RHOBTB1: variants seen among roughly 807,000 people sequenced by gnomAD.
The protein encoded by RHOBTB1 is Rho related BTB domain containing 1.
Under a neutral mutation model 71.6 loss-of-function variants are expected in RHOBTB1, and 40 were observed. The ratio of observed to expected loss-of-function variants is 0.56; its 90% CI spans 0.43 to 0.73. The LOEUF (loss-of-function observed/expected upper bound fraction) is 0.73. Among genes scored for constraint, RHOBTB1 ranks in the 30% least tolerant of loss-of-function variants. The probability of loss-of-function intolerance (pLI) is 0.00; values close to 1 mark genes in which losing one functional copy is unlikely to be tolerated. For missense variants in RHOBTB1, 797 were observed against 894.0 expected, an observed-to-expected ratio of 0.89 and a Z score of 1.38; for synonymous variants, 319 against 334.9, an observed-to-expected ratio of 0.95 and a Z score of 0.52.
intron 2 of RHOBTB1, among the ~76,000 whole-genome samples, chr10:60,962,283 C>T (rs984931496): frequency 1.3e-5 from 2 of 152,064 alleles, no homozygotes; most frequent in African/African-American, 4.8e-5. Flanking sequence ...TTGTCTGTGA[C>T]CACCAATATA....
rs1687815195 is a variant in RHOBTB1, at chr10:60,934,305, A to G, written c.-11+7499T>C. Among the ~76,000 whole-genome samples, 3 of 152,176 alleles carry G rather than the reference A, an allele frequency of 2.0e-5. 1 individual carries two copies. In the South Asian group the frequency reaches 6.2e-4, roughly 32 times the overall value. ...TCAGTCCTGAGCAGACGTCCCACTC[A>G]TCAATATATCATCTTGGAGTTCCTG... On this transcript the variant is annotated intron_variant, in intron 2 of 10. Coordinates refer to ENST00000337910, the MANE Select transcript of RHOBTB1 (RefSeq NM_014836.5).
intron 1 of RHOBTB1, among the ~76,000 whole-genome samples, chr10:60,998,513 A>C (rs2087138591): frequency 6.6e-6 from 1 of 152,182 alleles, no homozygotes; most frequent in Non-Finnish European, 1.5e-5. Context: ...TCCGTGAGGG[A>C]TAACTGAGGG....
downstream of RHOBTB1, among the ~76,000 whole-genome samples, chr10:60,867,050 A>G (rs2080638113): frequency 6.6e-6 from 1 of 152,148 alleles, no homozygotes; most frequent in South Asian, 2.1e-4. Flanking sequence ...AGCACTTATT[A>G]TGTCCAAGGT....
rs544603284 is a variant in RHOBTB1 at position 60,871,965 on chromosome 10, C to T, written c.1921+220G>A. ...ACTCTCTGCAACAGGGCACCCTGGA[C>T]TCTAGCCCACCCAACTCCCCTCATC... On this transcript the variant is annotated intron_variant, in intron 10 of 10. Coordinates refer to ENST00000337910, the MANE Select transcript of RHOBTB1 (RefSeq NM_014836.5). The T allele has an allele frequency of 8.3e-5, 52 of 623,410 alleles. No individual in the cohort carries two copies. In the East Asian group the frequency reaches 1.3e-3, roughly 15 times the overall value. The allele number at this position is 623,410 out of a possible 1,614,324, so 38.6% of individuals were successfully genotyped here.
chr10:60,872,904 T>G (rs1362550579), intron 9 of RHOBTB1, among the ~76,000 whole-genome samples: 5 of 152,108 alleles, frequency 3.3e-5, no homozygotes, highest in Non-Finnish European at 7.4e-5. Flanking sequence ...AAAAATCAAC[T>G]ATCTACTCCC....
chr10:60,969,969 C>T (rs779026713), intron 2 of RHOBTB1, among the ~76,000 whole-genome samples: 3 of 152,024 alleles, frequency 2.0e-5, no homozygotes, highest in Non-Finnish European at 4.4e-5. Context: ...CTGATGTCAG[C>T]AAGGAGAGAA....
chr10:60,871,786 C>T, intron 10 of RHOBTB1, 135 bp from the exon 11 acceptor site: 1 of 749,686 alleles, frequency 1.3e-6, no homozygotes, highest in Non-Finnish European at 2.2e-6. Context: ...GGGCCATTTG[C>T]AAAAGGTGAC....
chr10:60,890,698 G>C (rs1371931513), intron 5 of RHOBTB1, among the ~76,000 whole-genome samples: 1 of 152,156 alleles, frequency 6.6e-6, no homozygotes, highest in Non-Finnish European at 1.5e-5. Context: ...ACTGGTCTTA[G>C]GAGGAAAAAG....
intron 2 of RHOBTB1, among the ~76,000 whole-genome samples, chr10:60,977,178 G>T (rs968096568): frequency 6.6e-6 from 1 of 152,012 alleles, no homozygotes; most frequent in East Asian, 1.9e-4. Context: ...GTAGTAGATT[G>T]ATATTAGAAG....
rs543359161 is a variant in RHOBTB1 at position 60,993,564 on chromosome 10, G to A, written c.-162-7619C>T. Among the ~76,000 whole-genome samples the A allele has an allele frequency of 7.9e-5, 12 of 152,174 alleles. No homozygotes were observed. The South Asian group carries it at 2.5e-3, about 32-fold the overall frequency. ...TTTGTTACTATCTTCTAGCAAGAGT[G>A]TTGAATTTCATGGCATAAATTTTCA... On this transcript the variant is annotated intron_variant, in intron 1 of 11. Coordinates refer to the RHOBTB1 transcript ENST00000357917.
At chr10:60,991,962 G>A (rs1200893948) in intron 1 of RHOBTB1, among the ~76,000 whole-genome samples, 1 of 152,146 alleles carries the variant, frequency 6.6e-6, no homozygotes, top group Non-Finnish European at 1.5e-5. Flanking sequence ...CTAAATGGAG[G>A]CAGAGAGTAT....
chr10:60,967,425 TG>T lies in RHOBTB1; in HGVS notation c.-62+18419del, dbSNP rs1589433195. Among the ~76,000 whole-genome samples the T allele has an allele frequency of 2.0e-5, 3 of 151,798 alleles. No homozygotes were observed. The East Asian group carries it at 5.8e-4, about 29-fold the overall frequency. ...CTTGCACCTCAGCCTCCAAAGTAGCTGGGATTACAGGTGTGAGCCAGTGTGT... is the reference window on the plus strand; with the variant it reads ...CTTGCACCTCAGCCTCCAAAGTAGCTGGATTACAGGTGTGAGCCAGTGTGT... On this transcript the variant is annotated intron_variant, in intron 2 of 11. Coordinates refer to the RHOBTB1 transcript ENST00000357917.
In RHOBTB1 at chr10:60,870,323, G is replaced by A. The variant is rs183974059; in HGVS notation, c.*1159C>T. On this transcript the variant is annotated 3_prime_UTR_variant, in exon 11 of 11. Coordinates refer to ENST00000337910, the MANE Select transcript of RHOBTB1 (RefSeq NM_014836.5). ...TGGAATTAGATTCCTTTCCGTGTAG[G>A]AGAACGCAGGCGCCCAGCCTCCAGC... The A allele has an allele frequency of 7.1e-4, 108 of 152,732 alleles. No homozygotes were observed. The highest frequency in any genetic ancestry group is 3.4e-3 in the Middle Eastern group (1 of 294). 9.5% of individuals were successfully genotyped at this position (152,732 alleles called of 1,614,324 possible). A position where few individuals can be genotyped will look rare whatever the true frequency, so the allele number is the denominator to read the frequency against.
upstream of RHOBTB1, among the ~76,000 whole-genome samples, chr10:60,948,141 T>C (rs533600450): frequency 5.9e-5 from 9 of 152,326 alleles, no homozygotes; most frequent in South Asian, 1.9e-3. Context: ...CTCAAGTCTT[T>C]TGCCTATTTT....
intron 2 of RHOBTB1, among the ~76,000 whole-genome samples, chr10:60,939,994 T>C (rs1350625553): frequency 6.6e-6 from 1 of 152,220 alleles, no homozygotes; most frequent in Non-Finnish European, 1.5e-5. Flanking sequence ...ATTTTTATTA[T>C]ATACCATTAT....
intron 5 of RHOBTB1, among the ~76,000 whole-genome samples, chr10:60,892,241 TA>T (rs776049260): frequency 1.3e-5 from 2 of 152,210 alleles, no homozygotes; most frequent in Non-Finnish European, 2.9e-5. Flanking sequence ...TTGTGACACT[TA>T]AAAATGTAAC....
intron 2 of RHOBTB1, among the ~76,000 whole-genome samples, chr10:60,917,381 C>A (rs2083321528): frequency 6.6e-6 from 1 of 152,190 alleles, no homozygotes; most frequent in Non-Finnish European, 1.5e-5. Flanking sequence ...TTTCTAACTA[C>A]CCCCTTAGTC....
chr10:60,983,214 T>C (rs2086559405), intron 2 of RHOBTB1, among the ~76,000 whole-genome samples: 1 of 152,196 alleles, frequency 6.6e-6, no homozygotes, highest in Admixed American at 6.5e-5. Flanking sequence ...GCTTTATCCC[T>C]ACTTTCTCTA....
chr10:60,935,652 T>G (rs978292526), intron 2 of RHOBTB1, among the ~76,000 whole-genome samples: 1 of 152,120 alleles, frequency 6.6e-6, no homozygotes, highest in African/African-American at 2.4e-5. Flanking sequence ...AGTTGTTAAA[T>G]TTTTAGGAAT....
Sources: gnomAD v4.1 joint callset for allele counts (sites outside exome capture counted in the v4.1 genomes callset) on GRCh38, gnomAD v4.1.1 for gene constraint, MANE v1.5 for transcripts, NCBI Gene and HGNC (gene_info 2026-07-23, HGNC 2026-07-21) for gene names.